Variants in NLGN1 observed in about 807,000 individuals in gnomAD.
NLGN1 encodes the protein neuroligin 1, also known as neuroligin-1.
A neutral mutation model predicts 65.5 loss-of-function variants in NLGN1; 12 were observed. That is an observed-to-expected ratio of 0.18 (90% CI 0.12 to 0.30). NLGN1 has a LOEUF of 0.30. Among genes scored for constraint, NLGN1 ranks in the 10% least tolerant of loss-of-function variants. The pLI is 1.00. For missense variants in NLGN1, 750 were observed against 1,007.1 expected (o/e 0.74, Z 3.46); for synonymous variants, 350 against 359.5 (o/e 0.97, Z 0.30).
chr3:173,454,650 T>A (rs1722216292), intron 2 of NLGN1, among the ~76,000 whole-genome samples: 1 of 152,248 alleles, frequency 6.6e-6, no homozygotes, highest in Admixed American at 6.5e-5. Flanking sequence ...TCCTCACCTC[T>A]AACAGCCTTC....
chr3:173,902,611 G>A (rs140313892), intron 4 of NLGN1, among the ~76,000 whole-genome samples: 1 of 152,132 alleles, frequency 6.6e-6, no homozygotes, highest in African/African-American at 2.4e-5. Flanking sequence ...CAAGCCTCTG[G>A]CAACTATATG....
intron 3 of NLGN1, among the ~76,000 whole-genome samples, chr3:173,689,584 G>A (rs1185126345): frequency 5.9e-5 from 9 of 152,116 alleles, no homozygotes; most frequent in Non-Finnish European, 1.2e-4. Flanking sequence ...TAAAGAAGGA[G>A]CCAAAGGAAT....
chr3:173,789,822 T>A (rs763694397), intron 3 of NLGN1: 1 of 499,550 alleles, frequency 2.0e-6, no homozygotes, highest in Middle Eastern at 3.2e-4. Context: ...CAAACTTTCA[T>A]ATTTGAATAG....
At chr3:174,020,137 T>C (rs1727451045) in intron 4 of NLGN1, among the ~76,000 whole-genome samples, 1 of 152,178 alleles carries the variant, frequency 6.6e-6, no homozygotes. Context: ...CACACATCCA[T>C]CTGAACCTTT....
At chr3:174,285,229 T>C (rs1209902952) in exon 7 of NLGN1, 1 of 151,546 alleles carries the variant, frequency 6.6e-6, no homozygotes, top group East Asian at 1.9e-4. Context: ...CTGTCAAATA[T>C]GGCAGTCTTT....
At chr3:173,775,483 C>A (rs1172934611) in intron 3 of NLGN1, among the ~76,000 whole-genome samples, 1 of 151,350 alleles carries the variant, frequency 6.6e-6, no homozygotes, top group Non-Finnish European at 1.5e-5. Flanking sequence ...TTTTTTTTCC[C>A]ACCATACGAT....
chr3:174,277,483 G>GAAAT (rs1464673988), intron 5 of NLGN1, among the ~76,000 whole-genome samples: 3 of 151,728 alleles, frequency 2.0e-5, no homozygotes, highest in African/African-American at 4.8e-5. Context: ...CCTGAGATGG[G>GAAAT]AAATAATATT....
intron 4 of NLGN1, among the ~76,000 whole-genome samples, chr3:173,895,576 A>G (rs571822494): frequency 1.3e-3 from 195 of 152,300 alleles, no homozygotes; most frequent in African/African-American, 4.5e-3. Context: ...GGAGCCTCCT[A>G]GCTTCCAGAA....
At chr3:173,598,447 G>C (rs1032743032) in intron 2 of NLGN1, among the ~76,000 whole-genome samples, 1 of 152,160 alleles carries the variant, frequency 6.6e-6, no homozygotes, top group Non-Finnish European at 1.5e-5. Context: ...TTGTGGTGGG[G>C]TATGAACACG....
Position 174,218,056 on chromosome 3 carries a change from G to A in NLGN1, c.647-57259G>A, listed in dbSNP as rs146610478. 4.3e-4 allele frequency among the ~76,000 whole-genome samples: 65 copies of A among 152,100 alleles called. No individual in the cohort carries two copies. In the East Asian group the frequency reaches 0.012, roughly 28 times the overall value. ...TTTGGCCCACTCACAGCTCTTTTAT[G>A]GCTTATACCAGCTTTTTCATGGGAA... On this transcript the variant is annotated intron_variant, in intron 4 of 6. Coordinates refer to ENST00000457714, the Ensembl canonical transcript of NLGN1.
intron 2 of NLGN1, among the ~76,000 whole-genome samples, chr3:173,466,118 A>G (rs1446503203): frequency 2.6e-5 from 4 of 152,220 alleles, no homozygotes; most frequent in Non-Finnish European, 5.9e-5. Flanking sequence ...CATCATTTTC[A>G]GGTTGTCTAG....
intron 4 of NLGN1, among the ~76,000 whole-genome samples, chr3:173,926,462 A>G (rs1420912741): frequency 6.6e-6 from 1 of 152,168 alleles, no homozygotes; most frequent in South Asian, 2.1e-4. Context: ...GCTGAGTCCC[A>G]TGGTCTAATC....
chr3:174,007,163 G>T (rs144589553), intron 4 of NLGN1, among the ~76,000 whole-genome samples: 2 of 152,070 alleles, frequency 1.3e-5, no homozygotes, highest in African/African-American at 4.8e-5. Flanking sequence ...ACAGTAAGAC[G>T]GTGACCATCT....
At chr3:173,783,980 G>T (rs982397300) in intron 3 of NLGN1, among the ~76,000 whole-genome samples, 1 of 152,080 alleles carries the variant, frequency 6.6e-6, no homozygotes, top group African/African-American at 2.4e-5. Flanking sequence ...AAAATAATCT[G>T]TGTAAAATAT....
chr3:174,110,657 G>A (rs146826277), intron 4 of NLGN1, among the ~76,000 whole-genome samples: 2,727 of 152,006 alleles, frequency 0.018, 44 homozygotes, highest in Non-Finnish European at 0.027. Context: ...AATGAAAAGC[G>A]TTAAAGGACA....
chr3:174,248,541 C>T (rs553941060), intron 4 of NLGN1, among the ~76,000 whole-genome samples: 63 of 152,282 alleles, frequency 4.1e-4, no homozygotes, highest in Non-Finnish European at 7.6e-4. Context: ...AGGCGGATCA[C>T]CTGAGGCTGG....
chr3:173,849,451 G>C (rs1353776060), intron 4 of NLGN1, among the ~76,000 whole-genome samples: 3 of 151,892 alleles, frequency 2.0e-5, no homozygotes, highest in Non-Finnish European at 2.9e-5. Context: ...AGAGACTGCA[G>C]AGTAACAGTG....
Position 173,653,675 on chromosome 3 carries a change from A to G in NLGN1, c.493+48584A>G, listed in dbSNP as rs1220182464. 2.0e-5 allele frequency among the ~76,000 whole-genome samples: 3 copies of G among 152,298 alleles called. No individual in the cohort carries two copies. In the East Asian group the frequency reaches 5.8e-4, roughly 29 times the overall value. ...GCTATAAATTATTTGCTATTTATGT[A>G]TTGAGACATGGAATCTGATTTCCCC... On this transcript the variant is annotated intron_variant, in intron 3 of 6. Transcript: ENST00000457714.
At position 173,978,092 on chromosome 3, in the gene NLGN1, A is replaced by T. The variant is rs76644405; in HGVS notation, c.646+170260A>T. ...AGTGTTTATGAGAGATAAGGAAAAG[A>T]TAATAGGTCATGACTACCTTGTTTC... On this transcript the variant is annotated intron_variant, in intron 4 of 6. Transcript: ENST00000457714. Among the ~76,000 whole-genome samples the T allele has an allele frequency of 2.0e-5, 3 of 152,064 alleles. No individual in the cohort carries two copies. The East Asian group carries it at 5.8e-4, about 29-fold the overall frequency.
Sources: allele counts gnomAD v4.1 joint callset (sites outside exome capture counted in the v4.1 genomes callset), GRCh38; gene constraint gnomAD v4.1.1; transcripts MANE v1.5; gene names NCBI Gene and HGNC (gene_info 2026-07-23, HGNC 2026-07-21).